MTMR7: variants seen among roughly 807,000 people sequenced by gnomAD.
MTMR7 encodes phosphatidylinositol-3-phosphate phosphatase MTMR7.
In MTMR7, 76 loss-of-function variants were observed where a neutral mutation model predicts 81.2. The ratio of observed to expected loss-of-function variants is 0.94; its 90% CI spans 0.78 to 1.13. MTMR7 has a LOEUF of 1.13. MTMR7 is among the 50% of genes most tolerant of loss of function. MTMR7 has a pLI of 0.00. For synonymous variants in MTMR7, 372 were observed against 289.8 expected, an observed-to-expected ratio of 1.28 and a Z score of -2.88; for missense variants, 1,044 against 820.0, an observed-to-expected ratio of 1.27 and a Z score of -3.34.
At chr8:17,396,438 G>A (rs1361481729) in intron 1 of MTMR7, among the ~76,000 whole-genome samples, 1 of 152,156 alleles carries the variant, frequency 6.6e-6, no homozygotes, top group Non-Finnish European at 1.5e-5. Context: ...GCACTTGCGG[G>A]AAGGAGAGCA....
At chr8:17,386,279 A>G (rs756555464) in intron 1 of MTMR7, among the ~76,000 whole-genome samples, 1 of 152,172 alleles carries the variant, frequency 6.6e-6, no homozygotes, top group Middle Eastern at 3.2e-3. Context: ...TCAGAGGGCT[A>G]AAGAGGGCAG....
intron 1 of MTMR7, among the ~76,000 whole-genome samples, chr8:17,412,124 A>G (rs1003299): frequency 0.41 from 62,453 of 152,214 alleles, 15,362 homozygotes; most frequent in Admixed American, 0.59. Context: ...ATTTAAATTT[A>G]CTGTCGGAAC....
At chr8:17,376,500 T>C (rs997184633) in intron 1 of MTMR7, among the ~76,000 whole-genome samples, 2 of 152,238 alleles carry the variant, frequency 1.3e-5, no homozygotes, top group African/African-American at 4.8e-5. Flanking sequence ...GTAAGGCTTT[T>C]GAAGAGCTTC....
At chr8:17,411,997 C>T (rs964055538) in intron 1 of MTMR7, among the ~76,000 whole-genome samples, 4 of 152,168 alleles carry the variant, frequency 2.6e-5, no homozygotes, top group Non-Finnish European at 4.4e-5. Context: ...TATTTAGTAC[C>T]ACTTAAACTC....
chr8:17,368,978 G>A (rs539037595), intron 3 of MTMR7, among the ~76,000 whole-genome samples: 5 of 152,268 alleles, frequency 3.3e-5, no homozygotes, highest in East Asian at 1.9e-4. Context: ...GGATCCTCAC[G>A]GCGAGAGTCC....
intron 9 of MTMR7, among the ~76,000 whole-genome samples, chr8:17,310,786 C>T (rs1333638916): frequency 6.6e-6 from 1 of 152,164 alleles, no homozygotes; most frequent in Non-Finnish European, 1.5e-5. Flanking sequence ...ACTCCTTTGT[C>T]AGCATCTTGT....
Position 17,361,757 on chromosome 8 carries a change from GA to G in MTMR7, c.311-484del, listed in dbSNP as rs1437975749. ...TAAAAAAGAAAAAAATAATAAAGTT[GA>G]AAAAACTCTGGAATATACTAAACGT... On this transcript the variant is annotated intron_variant, in intron 3 of 13. Coordinates refer to ENST00000180173, the MANE Select transcript of MTMR7 (RefSeq NM_004686.5). Among the ~76,000 whole-genome samples, 5 of 152,020 alleles carry G rather than the reference GA, an allele frequency of 3.3e-5. No individual in the cohort carries two copies. In the East Asian group the frequency reaches 9.6e-4, roughly 29 times the overall value.
intron 1 of MTMR7, among the ~76,000 whole-genome samples, chr8:17,404,240 A>G (rs532429353): frequency 3.7e-4 from 56 of 152,256 alleles, no homozygotes; most frequent in African/African-American, 1.3e-3. Flanking sequence ...AGGATTTACT[A>G]TTGGAATAGA....
intron 7 of MTMR7, among the ~76,000 whole-genome samples, chr8:17,319,612 T>C (rs183986072): frequency 6.6e-6 from 1 of 152,324 alleles, no homozygotes; most frequent in East Asian, 1.9e-4. Context: ...CTATGCTTTA[T>C]ATAGATTAGC....
In MTMR7 at chr8:17,361,108, C is replaced by G; in HGVS notation, c.468+9G>C. 1 of 1,613,916 alleles carries G rather than the reference C, an allele frequency of 6.2e-7. No homozygotes were observed. The highest frequency in any genetic ancestry group is 8.5e-7 in the Non-Finnish European group (1 of 1,179,908). ...ATGCGGCTTCAGTGTTTGGGTTTCA[C>G]GCACTCACTCTGTAGTCTCTATTCA... On this transcript the variant is annotated intron_variant, in intron 4 of 13. Coordinates refer to ENST00000180173, the MANE Select transcript of MTMR7 (RefSeq NM_004686.5).
At chr8:17,382,100 GA>G in intron 1 of MTMR7, among the ~76,000 whole-genome samples, 1 of 152,308 alleles carries the variant, frequency 6.6e-6, no homozygotes, top group Middle Eastern at 3.4e-3. Context: ...AAATTTTCTG[GA>G]AATTAAGTCA....
At chr8:17,349,177 C>T in intron 4 of MTMR7, 96 bp from the exon 5 acceptor site, 1 of 1,414,496 alleles carries the variant, frequency 7.1e-7, no homozygotes, top group South Asian at 1.2e-5. Flanking sequence ...ACAGGTACAT[C>T]CTTAAGTTCC....
At chr8:17,385,030 G>C (rs577117134) in intron 1 of MTMR7, among the ~76,000 whole-genome samples, 7 of 152,254 alleles carry the variant, frequency 4.6e-5, no homozygotes, top group African/African-American at 1.7e-4. Flanking sequence ...GCACACACAG[G>C]GATATATCTG....
intron 1 of MTMR7, among the ~76,000 whole-genome samples, chr8:17,401,289 A>G (rs2898463): frequency 0.16 from 24,865 of 152,156 alleles, 2,418 homozygotes; most frequent in East Asian, 0.34. Context: ...GGAGCAAACC[A>G]TCTGCACATC....
chr8:17,304,498 T>C lies in MTMR7; in HGVS notation c.1374A>G (p.Ser458=), dbSNP rs73666106. ...GATTCTTCCACAGGTGAGCCCATAA[T>C]GAGTATGTTCTTTCTTGAATCCTGT... ...RELKIQERTY[S]LWAHLWKNRA... The change falls in exon 12 of 14, where the codon TCA becomes TCG. Residue 458 remains serine (S), a synonymous_variant. Transcript: ENST00000180173. 1.4e-3 allele frequency: 2,229 copies of C among 1,613,838 alleles called. 35 individuals carry two copies. In the African/African-American group the frequency reaches 0.025, roughly 18 times the overall value.
chr8:17,399,915 A>T (rs1299965283), intron 1 of MTMR7, among the ~76,000 whole-genome samples: 2 of 151,596 alleles, frequency 1.3e-5, no homozygotes, highest in African/African-American at 4.8e-5. Flanking sequence ...CCATGTATCT[A>T]AATTGTTGTG....
intron 1 of MTMR7, among the ~76,000 whole-genome samples, chr8:17,378,012 G>A (rs1355042565): frequency 3.3e-5 from 5 of 152,178 alleles, no homozygotes; most frequent in Non-Finnish European, 7.4e-5. Flanking sequence ...CAGAAGTAGA[G>A]GAAGCTGTAT....
intron 1 of MTMR7, among the ~76,000 whole-genome samples, chr8:17,392,519 A>G (rs1821134591): frequency 6.6e-6 from 1 of 152,172 alleles, no homozygotes; most frequent in African/African-American, 2.4e-5. Context: ...TGTGTTTCCC[A>G]CTTTCTTCTC....
intron 7 of MTMR7, among the ~76,000 whole-genome samples, chr8:17,320,903 T>G (rs1333364867): frequency 6.6e-6 from 1 of 152,204 alleles, no homozygotes; most frequent in East Asian, 1.9e-4. Flanking sequence ...CCCAAAGTGT[T>G]CAACTTAATC....
Sources: gnomAD v4.1 joint callset for allele counts (sites outside exome capture counted in the v4.1 genomes callset) on GRCh38, gnomAD v4.1.1 for gene constraint, MANE v1.5 for transcripts, NCBI Gene and HGNC (gene_info 2026-07-23, HGNC 2026-07-21) for gene names.